INPP5J: variants seen among roughly 807,000 people sequenced by gnomAD.
The protein encoded by INPP5J is inositol polyphosphate-5-phosphatase J, also known as phosphatidylinositol 4,5-bisphosphate 5-phosphatase A.
INPP5J carries 75 observed loss-of-function variants against 86.6 expected under a neutral mutation model. The ratio of observed to expected loss-of-function variants is 0.87; its 90% CI spans 0.72 to 1.05. The LOEUF (loss-of-function observed/expected upper bound fraction) is 1.05, where lower values mean the gene tolerates loss of function less well. Ranked by LOEUF, INPP5J falls within the 50% of genes least tolerant of loss-of-function variation. The pLI, the probability that INPP5J is intolerant of heterozygous loss-of-function variation, is 0.00. For missense variants in INPP5J, 1,229 were observed against 1,341.2 expected (o/e 0.92, Z 1.31); for synonymous variants, 540 against 550.0 (o/e 0.98, Z 0.25).
chr22:31,131,339 C>T (rs1023915664), intron 9 of INPP5J, among the ~76,000 whole-genome samples: 5 of 152,038 alleles, frequency 3.3e-5, no homozygotes, highest in Non-Finnish European at 7.4e-5. Context: ...CTGAGGCAGA[C>T]GGATCACTAG....
At position 31,127,017 on chromosome 22, in the gene INPP5J, A is replaced by C; in HGVS notation, c.1591A>C (p.Thr531Pro). Residue 531 changes from threonine to proline, a missense_variant, in exon 5 of 13, where the codon ACT (threonine) becomes CCT (proline). By Grantham distance (38) the Thr-to-Pro change is conservative (BLOSUM62 -1). Transcript: ENST00000331075. Reference sequence around the variant, plus strand: ...AGACGTGCAGACCGACTGCACGCGCACTGGCCTGGGCGGCTACTGGGTGAG... The same window carrying C: ...AGACGTGCAGACCGACTGCACGCGCCCTGGCCTGGGCGGCTACTGGGTGAG... ...LRDVQTDCTR[T>P]GLGGYWGNKG... The C allele has an allele frequency of 6.2e-7, 1 of 1,603,940 alleles. No individual in the cohort carries two copies.
chr22:31,130,948 T>C (rs1238204185), intron 9 of INPP5J, among the ~76,000 whole-genome samples: 1 of 152,190 alleles, frequency 6.6e-6, no homozygotes, highest in Non-Finnish European at 1.5e-5. Flanking sequence ...ACACAGGCTC[T>C]GCAGTGGCAG....
chr22:31,122,933 T>C (rs1602722159), upstream of INPP5J: 4 of 952,566 alleles, frequency 4.2e-6, no homozygotes, highest in Non-Finnish European at 4.4e-6. Context: ...CAGGTTGAAA[T>C]GGCTGATGAC....
In INPP5J at chr22:31,133,401, C is replaced by T. The variant is rs772465543; in HGVS notation, c.2332-5C>T. 6.2e-7 allele frequency: 1 copy of T among 1,613,624 alleles called. No individual in the cohort carries two copies. Among genetic ancestry groups the T allele is most frequent in the East Asian group, 2.2e-5 (1 of 44,890 alleles). ...AACACTGATTCCACAACACTGATCC[C>T]CCAGGTGGGTTTCCGCCATTGCAAG... On this transcript the variant is annotated splice_polypyrimidine_tract_variant and splice_region_variant and intron_variant, in intron 10 of 12. Coordinates refer to ENST00000331075, the MANE Select transcript of INPP5J (RefSeq NM_001284285.2).
At chr22:31,133,883 G>C in intron 12 of INPP5J, 30 bp from the exon 13 acceptor site, 1 of 1,601,960 alleles carries the variant, frequency 6.2e-7, no homozygotes, top group East Asian at 2.2e-5. Context: ...TTGGGGAGCA[G>C]GGCGCCCCAG....
In INPP5J at chr22:31,133,724, C is replaced by T; in HGVS notation, c.2514+10C>T. The T allele has an allele frequency of 6.2e-7, 1 of 1,605,446 alleles. No individual in the cohort carries two copies. The highest frequency in any genetic ancestry group is 8.5e-7 in the Non-Finnish European group (1 of 1,173,514). ...CACTGAACCCTTCCAGGTAAGTAGG[C>T]CAGACTGCTGGGCTGGGGGTGCCTA... is the stretch of plus-strand genomic sequence containing the variant. On this transcript the variant is annotated intron_variant, in intron 12 of 12. Transcript: ENST00000331075.
Position 31,127,538 on chromosome 22 carries a change from G to T in INPP5J, c.1787+6G>T. ...CAGGGCATCCTGGATCATGAGTATGGGCTGGGGTGGGGCCAAATAGAGCTT... is the reference window on the plus strand; with the variant it reads ...CAGGGCATCCTGGATCATGAGTATGTGCTGGGGTGGGGCCAAATAGAGCTT... On this transcript the variant is annotated splice_donor_region_variant and intron_variant, in intron 6 of 12. Transcript: ENST00000331075. The T allele has an allele frequency of 1.2e-6, 2 of 1,609,472 alleles. No individual in the cohort carries two copies. Among genetic ancestry groups the T allele is most frequent in the Non-Finnish European group, 1.7e-6 (2 of 1,177,508 alleles).
At position 31,133,708 on chromosome 22, in the gene INPP5J, C is replaced by G; in HGVS notation, c.2508C>G (p.Pro836=). 1 of 1,612,088 alleles carries G rather than the reference C, an allele frequency of 6.2e-7. No individual in the cohort carries two copies. Among genetic ancestry groups the G allele is most frequent in the East Asian group, 2.2e-5 (1 of 44,846 alleles). ...GCATCCTCATCGGCATCACTGAACC[C>G]TTCCAGGTAAGTAGGCCAGACTGCT... is the stretch of plus-strand genomic sequence containing the variant. ...NHSILIGITE[P]FQISLPSSEL... Residue 836 remains proline (P), a synonymous_variant, in exon 12 of 13, where the codon CCC becomes CCG. Transcript: ENST00000331075.
At chr22:31,127,598 T>C in intron 6 of INPP5J, 66 bp downstream of exon 6, 1 of 1,490,344 alleles carries the variant, frequency 6.7e-7, no homozygotes, top group Non-Finnish European at 9.1e-7. Flanking sequence ...TTGTACCACC[T>C]TGGGTGGGGC....
chr22:31,126,557 A>G lies in INPP5J; in HGVS notation c.1386-56A>G, dbSNP rs74548444. 1.9e-3 allele frequency: 2,975 copies of G among 1,599,026 alleles called. 63 individuals carry two copies. The African/African-American group carries it at 0.036, about 19-fold the overall frequency. ...GCCTTCCGGGCCCTCCACCCATGGC[A>G]GGGGCTTCCAGGGCACCTCTCCAAT... On this transcript the variant is annotated intron_variant, in intron 3 of 12. Transcript: ENST00000331075.
At position 31,133,548 on chromosome 22, in the gene INPP5J, T is replaced by C. The variant is rs1052969516; in HGVS notation, c.2410-62T>C. On this transcript the variant is annotated intron_variant, in intron 11 of 12. Coordinates refer to ENST00000331075, the MANE Select transcript of INPP5J (RefSeq NM_001284285.2). ...TGCCTTTGGGACCTCAGAACTCACC[T>C]TGGGGGCTCTCAGGTGGCCTCCCTG... 3.8e-5 allele frequency: 61 copies of C among 1,592,688 alleles called. No homozygotes were observed. In the South Asian group the frequency reaches 6.5e-4, roughly 17 times the overall value.
intron 9 of INPP5J, among the ~76,000 whole-genome samples, chr22:31,130,372 A>G (rs1314298936): frequency 6.6e-6 from 1 of 151,942 alleles, no homozygotes; most frequent in East Asian, 1.9e-4. Flanking sequence ...AATAAAATTT[A>G]GCTAGGTGGT....
rs1157188673 is a variant in INPP5J at position 31,133,972 on chromosome 22, AGAGG to A, written c.2578_2581del (p.Gly860ArgfsTer106). 1 of 1,613,258 alleles carries A rather than the reference AGAGG, an allele frequency of 6.2e-7. No individual in the cohort carries two copies. Among genetic ancestry groups the A allele is most frequent in the Non-Finnish European group, 8.5e-7 (1 of 1,179,848 alleles). On this transcript the variant is annotated frameshift_variant, in exon 13 of 13. Transcript: ENST00000331075. LOFTEE classifies it high-confidence loss of function. The stretch of plus-strand genomic sequence containing the variant: ...GCACAGACAGCTCAGGCACCAGCTC[AGAGG>A]GAGAGGATGACAGCACACTGGAGCT...
chr22:31,134,011 C>G lies in INPP5J; in HGVS notation c.2613C>G (p.Pro871=). ...ACAGCACACTGGAGCTCCTTGCACC[C>G]AAGTCCCGCAGCCCCAGTCCTGGCA... ...EDDSTLELLA[P]KSRSPSPGKS... is the part of the protein sequence containing the mutation. Residue 871 remains proline, a synonymous_variant, in exon 13 of 13, where the codon CCC becomes CCG. Coordinates refer to ENST00000331075, the MANE Select transcript of INPP5J (RefSeq NM_001284285.2). The G allele has an allele frequency of 6.2e-7, 1 of 1,610,144 alleles. No homozygotes were observed.
At chr22:31,126,529 C>T (rs770193595) in intron 3 of INPP5J, 40 bp downstream of exon 3, 18 of 1,600,202 alleles carry the variant, frequency 1.1e-5, no homozygotes, top group African/African-American at 2.7e-5. Context: ...CTGAGCCCCT[C>T]GGGCCTTCCG....
At chr22:31,129,232 C>CTGTTTTTT (rs1921828006) in intron 9 of INPP5J, among the ~76,000 whole-genome samples, 1 of 79,122 alleles carries the variant, frequency 1.3e-5, no homozygotes, top group Non-Finnish European at 2.3e-5. Flanking sequence ...GTCTGGCCAA[C>CTGTTTTTT]TTTTTTTTTT....
At position 31,128,267 on chromosome 22, in the gene INPP5J, C is replaced by T; in HGVS notation, c.1953C>T (p.Pro651=). 6.2e-7 allele frequency: 1 copy of T among 1,601,720 alleles called. No homozygotes were observed. Among genetic ancestry groups the T allele is most frequent in the South Asian group, 1.1e-5 (1 of 88,890 alleles). Residue 651 remains proline (P), a synonymous_variant, in exon 8 of 13, where the codon CCC becomes CCT. Transcript: ENST00000331075. The stretch of plus-strand genomic sequence containing the variant: ...TTCTGAAGGGCTTTCAGGAGGGGCC[C>T]CTCAACTTCGCTCCCACCTTCAAGT... ...WPILKGFQEG[P]LNFAPTFKFD...
Position 31,125,752 on chromosome 22 carries a change from C to G in INPP5J, c.1013C>G (p.Pro338Arg). Residue 338 changes from proline to arginine, a missense_variant, in exon 2 of 13, where the codon CCC becomes CGC. By Grantham distance (103) the Pro-to-Arg change is moderately radical. Coordinates refer to ENST00000331075, the MANE Select transcript of INPP5J (RefSeq NM_001284285.2). ...GGGGCCCCCTCAGGCCAGACTGTGC[C>G]CCCACCTCTGCCCAAGCCACCCCGA... is the stretch of plus-strand genomic sequence containing the variant. Reference protein sequence around the residue: ...RPGAPSGQTVPPPLPKPPRSP... With the variant: ...RPGAPSGQTVRPPLPKPPRSP... 1.3e-6 allele frequency: 2 copies of G among 1,550,898 alleles called. No homozygotes were observed. Among genetic ancestry groups the G allele is most frequent in the Non-Finnish European group, 1.7e-6 (2 of 1,146,374 alleles).
intron 1 of INPP5J, chr22:31,124,395 C>A: frequency 1.2e-6 from 1 of 803,670 alleles, no homozygotes; most frequent in Non-Finnish European, 1.5e-6. Context: ...TGTATCTTGA[C>A]AATAGAAAAA....
Sources: gnomAD v4.1 joint callset for allele counts (sites outside exome capture counted in the v4.1 genomes callset) on GRCh38, gnomAD v4.1.1 for gene constraint, MANE v1.5 for transcripts, NCBI Gene and HGNC (gene_info 2026-07-23, HGNC 2026-07-21) for gene names.